TMEM40: variants seen among roughly 807,000 people sequenced by gnomAD.
TMEM40 encodes transmembrane protein 40.
TMEM40 carries 34 observed loss-of-function variants against 40.8 expected under a neutral mutation model. The ratio of observed to expected loss-of-function variants is 0.83; its 90% CI spans 0.63 to 1.11. The LOEUF (loss-of-function observed/expected upper bound fraction) is 1.11, where lower values mean the gene tolerates loss of function less well. Among genes scored for constraint, TMEM40 ranks in the 50% least tolerant of loss-of-function variants. The pLI, the probability that TMEM40 is intolerant of heterozygous loss-of-function variation, is 0.00. For synonymous variants in TMEM40, 106 were observed against 107.0 expected (o/e 0.99, Z 0.06); for missense variants, 296 against 280.2 (o/e 1.06, Z -0.40).
Position 12,738,208 on chromosome 3 carries a change from T to G in TMEM40, c.392-40A>C. 1.9e-6 allele frequency: 3 copies of G among 1,612,132 alleles called. No homozygotes were observed. The South Asian group carries it at 3.3e-5, about 18-fold the overall frequency. ...CTCAACATTAGTGCCCAACCCCGCT[T>G]GGGGTCCTTAACAGGTGCCTCCACC... On this transcript the variant is annotated intron_variant, in intron 6 of 11. Transcript: ENST00000314124.
rs1189116924 is a variant in TMEM40, at chr3:12,748,732, T to C, written c.134A>G (p.Tyr45Cys). 6.2e-7 allele frequency: 1 copy of C among 1,614,170 alleles called. No homozygotes were observed. Among genetic ancestry groups the C allele is most frequent in the Admixed American group, 1.7e-5 (1 of 60,020 alleles). The stretch of plus-strand genomic sequence containing the variant: ...GGAGGAAGAAGACTTGTTTCTCTCA[T>C]ATTGTTCTTGGGAAAAGAGTCCAGC... Reference protein sequence around the residue: ...GKAGLFSQEQYERNKSSSSSS... With the variant: ...GKAGLFSQEQCERNKSSSSSS... The change falls in exon 3 of 12, where the codon TAT (tyrosine) becomes TGT (cysteine). Residue 45 changes from tyrosine to cysteine, a missense_variant. Tyr to Cys is a radical substitution (Grantham distance 194). Coordinates refer to ENST00000314124, the MANE Select transcript of TMEM40 (RefSeq NM_018306.4).
chr3:12,761,762 G>C (rs1575748207), upstream of TMEM40, among the ~76,000 whole-genome samples: 1 of 152,148 alleles, frequency 6.6e-6, no homozygotes, highest in East Asian at 1.9e-4. Context: ...CAGCTCTGCT[G>C]TCCGAACAGT....
chr3:12,747,826 G>A (rs1267845378), intron 3 of TMEM40, among the ~76,000 whole-genome samples: 2 of 147,450 alleles, frequency 1.4e-5, no homozygotes, highest in East Asian at 2.0e-4. Flanking sequence ...CAGGAGAATC[G>A]CTTGAGCCCA....
chr3:12,768,912 CG>C (rs1461577998), intron 1 of TMEM40, among the ~76,000 whole-genome samples: 71 of 24,880 alleles, frequency 2.9e-3, no homozygotes, highest in Non-Finnish European at 9.5e-3. Flanking sequence ...CAGGGCGGGC[CG>C]GGGCCGGGGC....
At chr3:12,757,064 C>T (rs75444617) in intron 1 of TMEM40, among the ~76,000 whole-genome samples, 1,970 of 152,266 alleles carry the variant, frequency 0.013, 29 homozygotes, top group African/African-American at 0.044. Flanking sequence ...GAAAAATGGG[C>T]ATGCCTACAA....
chr3:12,750,230 C>A (rs56859557), intron 1 of TMEM40, among the ~76,000 whole-genome samples: 6,329 of 151,844 alleles, frequency 0.042, 402 homozygotes, highest in African/African-American at 0.14. Context: ...CTACCTTGGC[C>A]TCCCAAAGTG....
At position 12,734,441 on chromosome 3, in the gene TMEM40, C is replaced by T. The variant is rs1373970379; in HGVS notation, c.*333G>A. 1 of 322,402 alleles carries T rather than the reference C, an allele frequency of 3.1e-6. No homozygotes were observed. Among genetic ancestry groups the T allele is most frequent in the Non-Finnish European group, 5.8e-6 (1 of 172,510 alleles). 20.0% of individuals were successfully genotyped at this position (322,402 alleles called of 1,614,324 possible). The stretch of plus-strand genomic sequence containing the variant: ...AAAAACCATGAACCCAGACAGATCA[C>T]AGCTTGCAGAGCTCAGGGTCCCTTG... On this transcript the variant is annotated 3_prime_UTR_variant, in exon 12 of 12. Coordinates refer to ENST00000314124, the MANE Select transcript of TMEM40 (RefSeq NM_018306.4).
intron 2 of TMEM40, among the ~76,000 whole-genome samples, chr3:12,749,512 C>T (rs940423105): frequency 8.5e-5 from 13 of 152,208 alleles, no homozygotes; most frequent in African/African-American, 3.1e-4. Context: ...TAGTGCCAGC[C>T]CAAGCCCCCA....
chr3:12,738,546 C>T lies in TMEM40; in HGVS notation c.391+7G>A. ...CAACGACCTCTCTCCTCTAACTGGA[C>T]ACTCACCTGATTCCCCAGAGGGTAC... On this transcript the variant is annotated splice_region_variant and intron_variant, in intron 6 of 11. Coordinates refer to ENST00000314124, the MANE Select transcript of TMEM40 (RefSeq NM_018306.4). The T allele has an allele frequency of 6.2e-7, 1 of 1,614,012 alleles. No homozygotes were observed. The highest frequency in any genetic ancestry group is 1.1e-5 in the South Asian group (1 of 91,084).
In TMEM40 at chr3:12,734,470, T is replaced by C; in HGVS notation, c.*304A>G. Reference sequence around the variant, plus strand: ...TTGCAGAGCTCAGGGTCCCTTGCTGTCCTCTGAGAGCAGTGACCTCCCAGA... The same window carrying C: ...TTGCAGAGCTCAGGGTCCCTTGCTGCCCTCTGAGAGCAGTGACCTCCCAGA... On this transcript the variant is annotated 3_prime_UTR_variant, in exon 12 of 12. Coordinates refer to ENST00000314124, the MANE Select transcript of TMEM40 (RefSeq NM_018306.4). 2.4e-6 allele frequency: 1 copy of C among 409,734 alleles called. No individual in the cohort carries two copies. Among genetic ancestry groups the C allele is most frequent in the East Asian group, 3.9e-5 (1 of 25,700 alleles). The allele number at this position is 409,734 out of a possible 1,614,324, so 25.4% of individuals were successfully genotyped here.
intron 1 of TMEM40, among the ~76,000 whole-genome samples, chr3:12,766,972 T>C (rs2061597175): frequency 6.6e-6 from 1 of 152,150 alleles, no homozygotes; most frequent in South Asian, 2.1e-4. Flanking sequence ...GCCACAGCTC[T>C]AGTTGAGCTT....
intron 5 of TMEM40, among the ~76,000 whole-genome samples, chr3:12,742,225 G>A (rs773067267): frequency 1.6e-4 from 25 of 151,994 alleles, no homozygotes; most frequent in East Asian, 1.3e-3. Context: ...GTGAGACTCC[G>A]TCTCAAAACA....
In TMEM40 at chr3:12,749,791, A is replaced by G. The variant is rs776628023; in HGVS notation, c.42T>C (p.Ser14=). 1.2e-6 allele frequency: 2 copies of G among 1,613,778 alleles called. No individual in the cohort carries two copies. The highest frequency in any genetic ancestry group is 1.7e-6 in the Non-Finnish European group (2 of 1,179,978). ...SASSSQPQDN[S]QVHRETEDVD... ...CATCTTCTGTTTCTCTGTGGACTTG[A>G]CTGTTGTCCTGAGGCTGGGAGGAGG... The change falls in exon 2 of 12, where the codon AGT becomes AGC. Residue 14 remains serine, a synonymous_variant. Transcript: ENST00000314124.
At chr3:12,740,484 G>A (rs1337258604) in intron 5 of TMEM40, among the ~76,000 whole-genome samples, 4 of 146,274 alleles carry the variant, frequency 2.7e-5, no homozygotes, top group East Asian at 4.1e-4. Context: ...GGTGGATCAC[G>A]AGTTCAGGAG....
intron 1 of TMEM40, among the ~76,000 whole-genome samples, chr3:12,767,743 C>T (rs2061600602): frequency 6.6e-6 from 1 of 152,142 alleles, no homozygotes; most frequent in African/African-American, 2.4e-5. Context: ...ATTCACCACC[C>T]AGCACTACTG....
In TMEM40 at chr3:12,767,219, G is replaced by A. The variant is rs78849669; in HGVS notation, c.-9+2032C>T. ...GGGGGTCAGTTGCCAAATTTTTTCA[G>A]TGCCTTCCTGTCAGCCCTGATACTG... On this transcript the variant is annotated intron_variant, in intron 1 of 11. Coordinates refer to the TMEM40 transcript ENST00000264728. Among the ~76,000 whole-genome samples, 1,523 of 152,236 alleles carry A rather than the reference G, an allele frequency of 0.01. 36 individuals are homozygous for A. The East Asian group carries it at 0.1, about 10-fold the overall frequency.
chr3:12,749,275 C>T (rs1214083437), intron 2 of TMEM40, among the ~76,000 whole-genome samples: 3 of 152,170 alleles, frequency 2.0e-5, no homozygotes, highest in African/African-American at 7.2e-5. Flanking sequence ...CTGCCCGCCT[C>T]GGCCTCCCAA....
At chr3:12,755,090 C>T in intron 1 of TMEM40, among the ~76,000 whole-genome samples, 1 of 138,158 alleles carries the variant, frequency 7.2e-6, no homozygotes, top group Admixed American at 7.7e-5. Context: ...CTCTCTCTTC[C>T]CTCCCTCCCT....
At chr3:12,749,674 T>G (rs2061457808) in intron 2 of TMEM40, 86 bp downstream of exon 2, 1 of 1,243,206 alleles carries the variant, frequency 8.0e-7, no homozygotes, top group Non-Finnish European at 1.2e-6. Context: ...CAACGTGAGT[T>G]GAGCAGGGTC....
Sources: gnomAD v4.1 joint callset for allele counts (sites outside exome capture counted in the v4.1 genomes callset) on GRCh38, gnomAD v4.1.1 for gene constraint, MANE v1.5 for transcripts, NCBI Gene and HGNC (gene_info 2026-07-23, HGNC 2026-07-21) for gene names.